The following YTHDC2 variants were observed in gnomAD, a reference collection of about 807,000 sequenced individuals.
The protein encoded by YTHDC2 is YTH N6-methyladenosine RNA binding protein C2, also known as 3'-5' RNA helicase YTHDC2.
YTHDC2 carries 45 observed loss-of-function variants against 174.9 expected under a neutral mutation model. The observed-to-expected ratio is 0.26, with a 90% CI of 0.20 to 0.33. The LOEUF is 0.33. Among genes scored for constraint, YTHDC2 ranks in the 10% least tolerant of loss-of-function variants. YTHDC2 has a pLI of 1.00. For synonymous variants in YTHDC2, 657 were observed against 574.5 expected (o/e 1.14, Z -2.05); for missense variants, 1,650 against 1,723.7 (o/e 0.96, Z 0.76).
At chr5:113,550,540 G>C (rs1034275772) in intron 12 of YTHDC2, among the ~76,000 whole-genome samples, 2 of 152,122 alleles carry the variant, frequency 1.3e-5, no homozygotes, top group African/African-American at 4.8e-5. Flanking sequence ...GGTGTGGGTG[G>C]AAAGTGTAGG....
At chr5:113,518,906 G>C (rs150265217) in intron 2 of YTHDC2, among the ~76,000 whole-genome samples, 122 of 152,154 alleles carry the variant, frequency 8.0e-4, no homozygotes, top group African/African-American at 2.7e-3. Context: ...TTTAGAGACA[G>C]AGTCTTCCTC....
At chr5:113,590,933 A>G in intron 26 of YTHDC2, 108 bp from the exon 27 acceptor site, 1 of 888,596 alleles carries the variant, frequency 1.1e-6, no homozygotes, top group African/African-American at 1.7e-5. Flanking sequence ...TTTGTTGAAT[A>G]TATGATAAAA....
chr5:113,577,765 T>C (rs1438839634), intron 23 of YTHDC2, among the ~76,000 whole-genome samples: 1 of 152,180 alleles, frequency 6.6e-6, no homozygotes, highest in Non-Finnish European at 1.5e-5. Context: ...AATATATATT[T>C]TTGGTAACTT....
chr5:113,573,696 G>T, intron 23 of YTHDC2, among the ~76,000 whole-genome samples: 1 of 151,774 alleles, frequency 6.6e-6, no homozygotes, highest in East Asian at 1.9e-4. Context: ...ATTCTTGTCT[G>T]CCTGTTTTAT....
At position 113,533,932 on chromosome 5, in the gene YTHDC2, A is replaced by T. The variant is rs1774871226; in HGVS notation, c.843-373A>T. On this transcript the variant is annotated intron_variant, in intron 5 of 29. Coordinates refer to ENST00000161863, the MANE Select transcript of YTHDC2 (RefSeq NM_022828.5). ...CTTTCTGTCTCGAGCATTTTGGATAAGGAATACTCAGTATATGTAGTATTA... is the reference window on the plus strand; with the variant it reads ...CTTTCTGTCTCGAGCATTTTGGATATGGAATACTCAGTATATGTAGTATTA... Among the ~76,000 whole-genome samples the T allele has an allele frequency of 2.0e-5, 3 of 152,314 alleles. No homozygotes were observed. The South Asian group carries it at 6.2e-4, about 32-fold the overall frequency.
At chr5:113,554,463 AT>A (rs1776467547) in intron 16 of YTHDC2, among the ~76,000 whole-genome samples, 1 of 152,060 alleles carries the variant, frequency 6.6e-6, no homozygotes, top group Admixed American at 6.6e-5. Context: ...TGCCTCACCT[AT>A]AGCAGGTGTT....
At chr5:113,550,852 A>C (rs975311759) in intron 12 of YTHDC2, among the ~76,000 whole-genome samples, 1 of 152,110 alleles carries the variant, frequency 6.6e-6, no homozygotes, top group Admixed American at 6.5e-5. Flanking sequence ...TAGAAATTTT[A>C]GATAAATTTA....
intron 1 of YTHDC2, among the ~76,000 whole-genome samples, chr5:113,514,705 T>C (rs1773282162): frequency 1.3e-5 from 2 of 152,096 alleles, no homozygotes; most frequent in African/African-American, 2.4e-5. Context: ...TGGAATCTTA[T>C]AGTCCAAAAC....
At position 113,540,820 on chromosome 5, in the gene YTHDC2, A is replaced by C. The variant is rs186946956; in HGVS notation, c.1211-148A>C. On this transcript the variant is annotated intron_variant, in intron 8 of 29. Transcript: ENST00000161863. Reference sequence around the variant, plus strand: ...GTTTCAGCATAACACATTTTTATTGAATATTCTTAATATATTTTTTAAAAG... The same window carrying C: ...GTTTCAGCATAACACATTTTTATTGCATATTCTTAATATATTTTTTAAAAG... 3.6e-4 allele frequency: 240 copies of C among 663,772 alleles called. 2 individuals are homozygous for C. The highest frequency in any genetic ancestry group is 2.8e-3 in the East Asian group (96 of 34,134). The allele number at this position is 663,772 out of a possible 1,614,324, so 41.1% of individuals were successfully genotyped here.
At chr5:113,521,721 ACT>A (rs917167207) in intron 2 of YTHDC2, among the ~76,000 whole-genome samples, 20 of 148,718 alleles carry the variant, frequency 1.3e-4, no homozygotes, top group African/African-American at 4.7e-4. Context: ...GCAAAGCAAG[ACT>A]CTGTCTCAAA....
At chr5:113,576,077 T>A (rs1778027629) in intron 23 of YTHDC2, among the ~76,000 whole-genome samples, 1 of 150,632 alleles carries the variant, frequency 6.6e-6, no homozygotes, top group Non-Finnish European at 1.5e-5. Context: ...CATGTTAAGT[T>A]TGAGATGGCT....
intron 21 of YTHDC2, among the ~76,000 whole-genome samples, chr5:113,566,561 T>TG (rs1483426399): frequency 2.6e-5 from 4 of 151,414 alleles, no homozygotes; most frequent in African/African-American, 9.7e-5. Context: ...TACCAGAGCC[T>TG]GGATTCATGG....
chr5:113,526,980 T>G (rs1359871492), intron 4 of YTHDC2, among the ~76,000 whole-genome samples, 195 bp downstream of exon 4: 3 of 151,870 alleles, frequency 2.0e-5, no homozygotes, highest in African/African-American at 7.2e-5. Context: ...GGAGAATTTG[T>G]AGAAAGAAAA....
intron 8 of YTHDC2, 106 bp from the exon 9 acceptor site, chr5:113,540,862 C>A: frequency 2.7e-6 from 3 of 1,094,088 alleles, no homozygotes; most frequent in Non-Finnish European, 3.8e-6. Context: ...CAGAATAAGA[C>A]CAACTTTTAA....
intron 7 of YTHDC2, among the ~76,000 whole-genome samples, chr5:113,537,058 C>T (rs1028976169): frequency 6.6e-6 from 1 of 152,002 alleles, no homozygotes; most frequent in Non-Finnish European, 1.5e-5. Context: ...CCCGCCTCGC[C>T]CCTGCCAACA....
rs1228615277 is a variant in YTHDC2, at chr5:113,567,812, G to C, written c.3207G>C (p.Leu1069Phe). ...TGGTATTCTGTGGACCAGCTAGATT[G>C]GCAAGTAATGCTCTTCAGGAACCTT... ...TILVFCGPAR[L>F]ASNALQEPSS... The change falls in exon 23 of 30, where the codon TTG (leucine) becomes TTC (phenylalanine). Residue 1069 changes from leucine to phenylalanine, a missense_variant. This residue lies in a region of YTHDC2 where 913 missense variants were observed against 940.4 expected (regional missense o/e 0.97). Transcript: ENST00000161863. The C allele has an allele frequency of 6.3e-7, 1 of 1,587,226 alleles. No individual in the cohort carries two copies.
intron 26 of YTHDC2, among the ~76,000 whole-genome samples, chr5:113,587,747 C>G (rs1778773164): frequency 6.6e-6 from 1 of 150,912 alleles, no homozygotes; most frequent in Non-Finnish European, 1.5e-5. Context: ...GTTCCAGGTC[C>G]TTTGTACTTT....
chr5:113,547,611 A>G (rs935444308), intron 10 of YTHDC2, among the ~76,000 whole-genome samples: 9 of 130,096 alleles, frequency 6.9e-5, no homozygotes, highest in African/African-American at 3.4e-4. Context: ...TATGGGATAT[A>G]CTTTTTATTT....
At chr5:113,589,787 C>A (rs1225178195) in intron 26 of YTHDC2, among the ~76,000 whole-genome samples, 2 of 152,054 alleles carry the variant, frequency 1.3e-5, no homozygotes, top group Non-Finnish European at 1.5e-5. Flanking sequence ...TCAAGTTTTC[C>A]TCTACCTTCT....
Sources: gnomAD v4.1 joint callset for allele counts (sites outside exome capture counted in the v4.1 genomes callset) on GRCh38, gnomAD v4.1.1 for gene constraint, gnomAD v4.1.1 regional missense constraint, MANE v1.5 for transcripts, NCBI Gene and HGNC (gene_info 2026-07-23, HGNC 2026-07-21) for gene names.